MDN1: variants seen among roughly 807,000 people sequenced by gnomAD.
The protein encoded by MDN1 is midasin.
MDN1 carries 266 observed loss-of-function variants against 669.2 expected under a neutral mutation model. That is an observed-to-expected ratio of 0.40 (90% CI 0.36 to 0.44). The LOEUF (loss-of-function observed/expected upper bound fraction) is 0.44. Ranked by LOEUF, MDN1 falls within the 20% of genes least tolerant of loss-of-function variation. MDN1 has a pLI of 1.00. For synonymous variants in MDN1, 2,385 were observed against 2,457.1 expected (o/e 0.97, Z 0.87); for missense variants, 5,940 against 6,754.0 (o/e 0.88, Z 4.22).
intron 15 of MDN1, among the ~76,000 whole-genome samples, chr6:89,770,025 G>A (rs1326181245): frequency 6.6e-6 from 1 of 152,100 alleles, no homozygotes; most frequent in Non-Finnish European, 1.5e-5. Context: ...TTAAACCCAG[G>A]AGTTCAAGGC....
At position 89,695,138 on chromosome 6, in the gene MDN1, C is replaced by T. The variant is rs973786282; in HGVS notation, c.9771+467G>A. 2.0e-5 allele frequency among the ~76,000 whole-genome samples: 3 copies of T among 152,158 alleles called. No homozygotes were observed. Among genetic ancestry groups the T allele is most frequent in the African/African-American group, 7.2e-5 (3 of 41,446 alleles). Reference sequence around the variant, plus strand: ...ATCCCAGCTACTCGGGAGGCTGAGGCAGAGAATTGCTTGAACCCAGGAGGC... The same window carrying T: ...ATCCCAGCTACTCGGGAGGCTGAGGTAGAGAATTGCTTGAACCCAGGAGGC... On this transcript the variant is annotated intron_variant, in intron 61 of 101. Transcript: ENST00000369393. The surrounding 1 kb of genome is among the most constrained non-coding windows in gnomAD (Gnocchi z 4.1).
intron 35 of MDN1, among the ~76,000 whole-genome samples, chr6:89,729,677 G>GTTTTTTTTTTTTTTT (rs35914010): frequency 4.0e-5 from 4 of 100,758 alleles, no homozygotes; most frequent in Non-Finnish European, 5.8e-5. Context: ...TTTTGTTTTC[G>GTTTTTTTTTTTTTTT]TTTTTTTTTT....
chr6:89,695,453 T>G lies in MDN1; in HGVS notation c.9771+152A>C. On this transcript the variant is annotated intron_variant, in intron 61 of 101. Transcript: ENST00000369393. This position sits in a 1 kb window ranked among gnomAD's most constrained non-coding sequence, Gnocchi z 4.1. ...CTCTCAAAGGGGAAAATACAGTCTCTAAAACAGACTCCTGGGAAGTCATAA... is the reference window on the plus strand; with the variant it reads ...CTCTCAAAGGGGAAAATACAGTCTCGAAAACAGACTCCTGGGAAGTCATAA... 1 of 982,954 alleles carries G rather than the reference T, an allele frequency of 1.0e-6. No homozygotes were observed. Among genetic ancestry groups the G allele is most frequent in the Non-Finnish European group, 1.5e-6 (1 of 682,346 alleles). The allele number at this position is 982,954 out of a possible 1,614,324, so 60.9% of individuals were successfully genotyped here.
intron 54 of MDN1, 113 bp from the exon 55 acceptor site, chr6:89,701,791 T>C: frequency 6.6e-7 from 1 of 1,519,372 alleles, no homozygotes; most frequent in Non-Finnish European, 8.8e-7. Context: ...CATTCACCAA[T>C]ATGCCAAGGG....
Position 89,727,902 on chromosome 6 carries a change from T to C in MDN1, c.5403A>G (p.Gly1801=), listed in dbSNP as rs1815338704. The C allele has an allele frequency of 6.2e-7, 1 of 1,613,730 alleles. No individual in the cohort carries two copies. Among genetic ancestry groups the C allele is most frequent in the African/African-American group, 1.3e-5 (1 of 74,860 alleles). ...AGGGGCCATCACGCCAGGCAAACTC[T>C]CCTCCCTTGCCACCTTCAACAGGTA... ...ADLPVEGGKG[G]EFAWRDGPLL... is the part of the protein sequence containing the mutation. Residue 1801 remains glycine, a synonymous_variant, in exon 37 of 102, where the codon GGA becomes GGG. Coordinates refer to ENST00000369393, the MANE Select transcript of MDN1 (RefSeq NM_014611.3).
At chr6:89,693,198 A>G (rs1313382879) in intron 62 of MDN1, 50 bp from the exon 63 acceptor site, 1 of 1,343,688 alleles carries the variant, frequency 7.4e-7, no homozygotes. Flanking sequence ...GAAGAGCAGC[A>G]AATCTAGATT....
At chr6:89,805,328 G>A (rs894857582) in intron 1 of MDN1, among the ~76,000 whole-genome samples, 4 of 152,090 alleles carry the variant, frequency 2.6e-5, no homozygotes, top group Non-Finnish European at 4.4e-5. Context: ...GATCCCTTAA[G>A]CCGACGAGTT....
intron 82 of MDN1, among the ~76,000 whole-genome samples, chr6:89,671,574 T>C (rs1475455956): frequency 1.3e-5 from 2 of 152,138 alleles, no homozygotes; most frequent in African/African-American, 4.8e-5. Context: ...CTGCCAGCTA[T>C]CTGGGAGGCT....
chr6:89,677,898 A>G (rs572525077), intron 75 of MDN1, among the ~76,000 whole-genome samples: 6 of 152,216 alleles, frequency 3.9e-5, no homozygotes, highest in Non-Finnish European at 7.4e-5. Context: ...GGTGATTCAC[A>G]TGCACGTTCA....
chr6:89,645,502 A>G (rs972903583), intron 100 of MDN1, among the ~76,000 whole-genome samples: 38 of 152,224 alleles, frequency 2.5e-4, no homozygotes, highest in Middle Eastern at 3.2e-3. Context: ...GTTTATGGCT[A>G]TAAACTTTAA....
At chr6:89,761,788 T>A in intron 16 of MDN1, 40 bp from the exon 17 acceptor site, 2 of 1,375,874 alleles carry the variant, frequency 1.5e-6, no homozygotes, top group Non-Finnish European at 2.1e-6. Flanking sequence ...CATTTTGAAT[T>A]GTAATATATA....
chr6:89,789,125 CA>C (rs35244860), intron 7 of MDN1, among the ~76,000 whole-genome samples: 118,772 of 144,770 alleles, frequency 0.82, 48,434 homozygotes, highest in East Asian at 0.95. Context: ...CTCTGTCTCA[CA>C]AAAAAAAAAA....
At chr6:89,785,480 T>C (rs1376467792) in intron 8 of MDN1, among the ~76,000 whole-genome samples, 4 of 152,226 alleles carry the variant, frequency 2.6e-5, no homozygotes, top group Non-Finnish European at 5.9e-5. Flanking sequence ...CTCATAGCAT[T>C]AACATTAAGT....
At position 89,695,943 on chromosome 6, in the gene MDN1, C is replaced by T. The variant is rs1812709257; in HGVS notation, c.9433G>A (p.Gly3145Ser). The part of the protein sequence containing the change: ...QGQVLFRHLA[G>S]LAELLPESRR... ...GACTCTGGGAGCAGCTCTGCTAGGC[C>T]TGCCAGGTGCCGGAACAGCACCTGC... Residue 3145 changes from glycine (G) to serine (S), a missense_variant, in exon 61 of 102, where the codon GGC becomes AGC. Coordinates refer to ENST00000369393, the MANE Select transcript of MDN1 (RefSeq NM_014611.3). This position sits in a 1 kb window ranked among gnomAD's most constrained non-coding sequence, Gnocchi z 4.1. The T allele has an allele frequency of 1.9e-6, 3 of 1,611,940 alleles. No homozygotes were observed.
intron 26 of MDN1, 84 bp downstream of exon 26, chr6:89,749,135 CAACA>C: frequency 2.4e-6 from 3 of 1,267,778 alleles, no homozygotes; most frequent in Non-Finnish European, 3.2e-6. Context: ...AAAAATACAT[CAACA>C]GACAGATTCT....
intron 87 of MDN1, 43 bp from the exon 88 acceptor site, chr6:89,661,621 ATATT>A (rs1252782411): frequency 6.5e-7 from 1 of 1,535,546 alleles, no homozygotes; most frequent in Non-Finnish European, 8.8e-7. Context: ...AAAAATACAA[ATATT>A]TTTTTAAAAA....
chr6:89,806,356 A>G (rs758992734), intron 1 of MDN1, among the ~76,000 whole-genome samples: 7 of 152,144 alleles, frequency 4.6e-5, no homozygotes, highest in Non-Finnish European at 8.8e-5. Context: ...TGAGGCCAGG[A>G]GTTCGAGACC....
chr6:89,754,279 A>G (rs1817118163), intron 20 of MDN1, 49 bp from the exon 21 acceptor site: 1 of 1,565,126 alleles, frequency 6.4e-7, no homozygotes, highest in Non-Finnish European at 8.7e-7. Context: ...ATAAGTATCC[A>G]GTATTATCAA....
chr6:89,699,478 A>G (rs1176615937), intron 58 of MDN1, 123 bp downstream of exon 58: 1 of 1,185,850 alleles, frequency 8.4e-7, no homozygotes, highest in Admixed American at 2.7e-5. Flanking sequence ...GGCAATTCAA[A>G]AAAACCTGAG....
Sources: gnomAD v4.1 joint callset for allele counts (sites outside exome capture counted in the v4.1 genomes callset) on GRCh38, gnomAD v4.1.1 for gene constraint, Gnocchi (gnomAD v3.1) non-coding constraint, MANE v1.5 for transcripts, NCBI Gene and HGNC (gene_info 2026-07-23, HGNC 2026-07-21) for gene names.